Variants in REV3L observed in about 807,000 individuals in gnomAD.
REV3L encodes the protein REV3 like, DNA directed polymerase zeta catalytic subunit.
REV3L carries 69 observed loss-of-function variants against 299.4 expected under a neutral mutation model. The observed-to-expected ratio is 0.23, with a 90% CI of 0.19 to 0.28. REV3L has a LOEUF of 0.28. Among genes scored for constraint, REV3L ranks in the 10% least tolerant of loss-of-function variants. REV3L has a pLI of 1.00. For synonymous variants in REV3L, 1,238 were observed against 1,271.4 expected (o/e 0.97, Z 0.56); for missense variants, 3,128 against 3,693.8 (o/e 0.85, Z 3.97).
intron 18 of REV3L, among the ~76,000 whole-genome samples, chr6:111,355,815 G>A (rs1778028295): frequency 6.6e-6 from 1 of 152,130 alleles, no homozygotes; most frequent in Admixed American, 6.5e-5. Context: ...GAAAGCATCT[G>A]ACATGTTGAT....
At chr6:111,318,722 G>A (rs905746259) in intron 26 of REV3L, among the ~76,000 whole-genome samples, 1 of 151,230 alleles carries the variant, frequency 6.6e-6, no homozygotes, top group Non-Finnish European at 1.5e-5. Context: ...AGGCATGCAC[G>A]ACCACGCCCG....
At chr6:111,391,614 T>C (rs1334103470) in intron 5 of REV3L, among the ~76,000 whole-genome samples, 1 of 152,220 alleles carries the variant, frequency 6.6e-6, no homozygotes, top group Admixed American at 6.5e-5. Context: ...TTCCTTTCTC[T>C]TTCAGAAAAA....
At chr6:111,451,737 C>T (rs977553228) in intron 1 of REV3L, among the ~76,000 whole-genome samples, 2 of 151,690 alleles carry the variant, frequency 1.3e-5, no homozygotes, top group East Asian at 3.9e-4. Context: ...GAAATCAAAC[C>T]ACAATCTGGT....
intron 1 of REV3L, chr6:111,431,672 TG>T: frequency 1.1e-6 from 1 of 941,960 alleles, no homozygotes; most frequent in Non-Finnish European, 1.7e-6. Flanking sequence ...TGAAAAGCAA[TG>T]GGGATTTCCA....
rs1793943979 is a variant in REV3L at position 111,482,938 on chromosome 6, A to G, written c.-50T>C. The G allele has an allele frequency of 9.5e-6, 14 of 1,474,936 alleles. No homozygotes were observed. The highest frequency in any genetic ancestry group is 1.4e-5 in the South Asian group (1 of 71,676). 91.4% of individuals were successfully genotyped at this position (1,474,936 alleles called of 1,614,324 possible). On this transcript the variant is annotated 5_prime_UTR_variant, in exon 1 of 32. Coordinates refer to ENST00000368802, the MANE Select transcript of REV3L (RefSeq NM_001372078.1). ...CCTTCACTGGCGACCCGGCAGCGGC[A>G]GCAGCAGCGGCGGCGGCTCCCTCCG... is the stretch of plus-strand genomic sequence containing the variant.
At chr6:111,338,596 T>C (rs986622586) in intron 21 of REV3L, among the ~76,000 whole-genome samples, 4 of 151,720 alleles carry the variant, frequency 2.6e-5, no homozygotes, top group Admixed American at 1.3e-4. Context: ...TTTACTTTTG[T>C]TGATGTTATT....
In REV3L at chr6:111,338,312, C is replaced by CTTTT. The variant is rs144497761; in HGVS notation, c.7539-2706_7539-2703dup. On this transcript the variant is annotated intron_variant, in intron 21 of 31. Transcript: ENST00000368802. Reference sequence around the variant, plus strand: ...TCTTTGTTTACTCCAGTCTAAAGTCCTTTTTTTTTTTTTTTTTTTTTTTTT... The same window carrying CTTTT: ...TCTTTGTTTACTCCAGTCTAAAGTCCTTTTTTTTTTTTTTTTTTTTTTTTTTTTT... Among the ~76,000 whole-genome samples the CTTTT allele has an allele frequency of 4.4e-4, 21 of 47,930 alleles. 3 individuals carry two copies. Among genetic ancestry groups the CTTTT allele is most frequent in the African/African-American group, 1.9e-3 (15 of 7,710 alleles). The allele number at this position is 47,930 out of a possible 152,430, so 31.4% of individuals were successfully genotyped here. A position where few individuals can be genotyped will look rare whatever the true frequency, so the allele number is the denominator to read the frequency against.
chr6:111,346,475 A>T (rs1426799162), intron 20 of REV3L, among the ~76,000 whole-genome samples: 1 of 152,216 alleles, frequency 6.6e-6, no homozygotes, highest in Non-Finnish European at 1.5e-5. Context: ...AAAAAAACAA[A>T]CAAAATTTAT....
chr6:111,388,152 A>G, intron 7 of REV3L, 67 bp from the exon 8 acceptor site: 7 of 1,087,916 alleles, frequency 6.4e-6, no homozygotes, highest in African/African-American at 1.6e-5. Context: ...CCCTTCTCCT[A>G]AAGTAGCTTT....
intron 9 of REV3L, among the ~76,000 whole-genome samples, chr6:111,382,654 C>A (rs142892477): frequency 6.6e-6 from 1 of 152,262 alleles, no homozygotes; most frequent in African/African-American, 2.4e-5. Flanking sequence ...AACTTGAAAG[C>A]CAGTCTTATC....
At chr6:111,342,132 T>C (rs1776553186) in intron 21 of REV3L, among the ~76,000 whole-genome samples, 2 of 152,186 alleles carry the variant, frequency 1.3e-5, no homozygotes, top group Non-Finnish European at 2.9e-5. Context: ...CCTGGTATAC[T>C]TGCCTGTTCC....
rs1034531950 is a variant in REV3L, at chr6:111,358,851, A to G, written c.7043T>C (p.Ile2348Thr). The change falls in exon 17 of 32, where the codon ATT becomes ACT. Residue 2348 changes from isoleucine (I) to threonine (T), a missense_variant. By Grantham distance (89) the Ile-to-Thr change is moderately conservative (BLOSUM62 -1). This residue lies in a region of REV3L where 82 missense variants were observed against 142.7 expected (regional missense o/e 0.57). Transcript: ENST00000368802. Reference sequence around the variant, plus strand: ...ACTGAAAACTGTCTTGTCTTTATCAATCACTATTACACCTGTGAGTTCTGT... The same window carrying G: ...ACTGAAAACTGTCTTGTCTTTATCAGTCACTATTACACCTGTGAGTTCTGT... Reference protein sequence around the residue: ...EKTELTGVIVIDKDKTVFSQD... With the variant: ...EKTELTGVIVTDKDKTVFSQD... 6 of 1,612,466 alleles carry G rather than the reference A, an allele frequency of 3.7e-6. No individual in the cohort carries two copies. In the East Asian group the frequency reaches 1.1e-4, roughly 30 times the overall value.
At chr6:111,366,187 T>A (rs1033436835) in intron 14 of REV3L, among the ~76,000 whole-genome samples, 1 of 152,158 alleles carries the variant, frequency 6.6e-6, no homozygotes, top group African/African-American at 2.4e-5. Context: ...CATGTATATA[T>A]AAGTGTGTTG....
intron 28 of REV3L, chr6:111,311,844 G>A (rs1053201289): frequency 1.4e-5 from 2 of 146,400 alleles, no homozygotes; most frequent in South Asian, 2.1e-4. Flanking sequence ...GTCTTGCTCT[G>A]TCGCTCAGGC....
chr6:111,476,527 G>C (rs1167322373), intron 1 of REV3L, among the ~76,000 whole-genome samples: 2 of 152,130 alleles, frequency 1.3e-5, no homozygotes, highest in African/African-American at 4.8e-5. Context: ...CATCATGTTG[G>C]TGTTCAAAAC....
intron 4 of REV3L, among the ~76,000 whole-genome samples, chr6:111,403,002 T>G (rs372731636): frequency 6.6e-6 from 1 of 152,314 alleles, no homozygotes; most frequent in East Asian, 1.9e-4. Flanking sequence ...AAAATATCCA[T>G]TAACTGGGAT....
intron 18 of REV3L, 186 bp downstream of exon 18, chr6:111,356,828 T>C (rs529916763): frequency 9.3e-6 from 3 of 323,450 alleles, no homozygotes; most frequent in East Asian, 1.0e-4. Context: ...CTATCCCTTG[T>C]CTGATGAAAA....
At chr6:111,403,117 T>C (rs779810528) in intron 4 of REV3L, among the ~76,000 whole-genome samples, 10 of 152,264 alleles carry the variant, frequency 6.6e-5, no homozygotes, top group South Asian at 4.1e-4. Flanking sequence ...CGTGAAAACA[T>C]TATGCTAAGT....
At chr6:111,408,383 A>G (rs1783872861) in intron 3 of REV3L, among the ~76,000 whole-genome samples, 1 of 152,080 alleles carries the variant, frequency 6.6e-6, no homozygotes, top group Admixed American at 6.5e-5. Flanking sequence ...TGGGCGGATC[A>G]CCTGAGGTCA....
Sources: gnomAD v4.1 joint callset for allele counts (sites outside exome capture counted in the v4.1 genomes callset) on GRCh38, gnomAD v4.1.1 for gene constraint, gnomAD v4.1.1 regional missense constraint, MANE v1.5 for transcripts, NCBI Gene and HGNC (gene_info 2026-07-23, HGNC 2026-07-21) for gene names.